TCERG1L: variants seen among roughly 807,000 people sequenced by gnomAD.
TCERG1L encodes transcription elongation regulator 1 like.
TCERG1L carries 37 observed loss-of-function variants against 56.3 expected under a neutral mutation model. The ratio of observed to expected loss-of-function variants is 0.66; its 90% CI spans 0.51 to 0.87. The LOEUF (loss-of-function observed/expected upper bound fraction) is 0.87. Ranked by LOEUF, TCERG1L falls within the 40% of genes least tolerant of loss-of-function variation. TCERG1L has a pLI of 0.00. For missense variants in TCERG1L, 799 were observed against 774.2 expected (o/e 1.03, Z -0.38); for synonymous variants, 324 against 326.3 (o/e 0.99, Z 0.08).
intron 3 of TCERG1L, among the ~76,000 whole-genome samples, chr10:131,275,435 G>A (rs945933373): frequency 4.6e-5 from 7 of 152,146 alleles, no homozygotes; most frequent in African/African-American, 7.2e-5. Context: ...ATACTAATGC[G>A]TTGTTATTAT....
intron 4 of TCERG1L, among the ~76,000 whole-genome samples, chr10:131,229,962 G>A (rs1473914379): frequency 6.6e-6 from 1 of 152,204 alleles, no homozygotes; most frequent in Non-Finnish European, 1.5e-5. Flanking sequence ...CAAGGACGAG[G>A]CAGCTTCCCC....
chr10:131,177,107 CAG>C (rs1846170394), intron 4 of TCERG1L, among the ~76,000 whole-genome samples: 2 of 150,892 alleles, frequency 1.3e-5, no homozygotes, highest in African/African-American at 2.4e-5. Flanking sequence ...CATGCACACA[CAG>C]ACACGTGTAC....
At chr10:131,310,608 A>G (rs1291750298) in intron 1 of TCERG1L, among the ~76,000 whole-genome samples, 2 of 152,212 alleles carry the variant, frequency 1.3e-5, no homozygotes, top group African/African-American at 2.4e-5. Context: ...TGCACCATTT[A>G]TCAAAGGTTC....
At chr10:131,177,485 G>A (rs1845115582) in intron 4 of TCERG1L, among the ~76,000 whole-genome samples, 1 of 152,260 alleles carries the variant, frequency 6.6e-6, no homozygotes, top group African/African-American at 2.4e-5. Context: ...ATCAAAACAA[G>A]TTGCTTCTCT....
intron 6 of TCERG1L, among the ~76,000 whole-genome samples, chr10:131,154,239 G>A (rs2944533): frequency 0.28 from 43,230 of 151,980 alleles, 6,478 homozygotes; most frequent in African/African-American, 0.35. Flanking sequence ...ATATAGGAAG[G>A]TCTGGGTTTC....
At chr10:131,177,163 C>T in intron 4 of TCERG1L, among the ~76,000 whole-genome samples, 1 of 10,754 alleles carries the variant, frequency 9.3e-5, no homozygotes, top group East Asian at 1.8e-3. Flanking sequence ...CACACAGAGA[C>T]ACATGGACAC....
intron 4 of TCERG1L, among the ~76,000 whole-genome samples, chr10:131,204,558 A>G (rs1014489487): frequency 1.3e-5 from 2 of 152,222 alleles, no homozygotes; most frequent in Non-Finnish European, 1.5e-5. Flanking sequence ...CTGGCTTCCC[A>G]GCAGCGGTGG....
At chr10:131,189,793 C>A (rs1487078062) in intron 4 of TCERG1L, among the ~76,000 whole-genome samples, 2 of 152,150 alleles carry the variant, frequency 1.3e-5, no homozygotes, top group Admixed American at 1.3e-4. Flanking sequence ...TACATTCCCA[C>A]CAACAGCATA....
At chr10:131,243,038 G>A (rs879476877) in intron 4 of TCERG1L, among the ~76,000 whole-genome samples, 29 of 152,070 alleles carry the variant, frequency 1.9e-4, no homozygotes, top group Admixed American at 3.9e-4. Flanking sequence ...AAGAATGAGG[G>A]GCTTGTTTTA....
At chr10:131,170,490 C>T (rs1309205724) in intron 4 of TCERG1L, among the ~76,000 whole-genome samples, 1 of 151,704 alleles carries the variant, frequency 6.6e-6, no homozygotes, top group Non-Finnish European at 1.5e-5. Flanking sequence ...CTCTATTGAT[C>T]AAACCCAGCT....
intron 4 of TCERG1L, among the ~76,000 whole-genome samples, chr10:131,253,114 G>A (rs1846129295): frequency 6.6e-6 from 1 of 152,224 alleles, no homozygotes; most frequent in African/African-American, 2.4e-5. Flanking sequence ...CTCTTGGCCT[G>A]TGCCTGCCAG....
At chr10:131,176,808 A>G in intron 4 of TCERG1L, among the ~76,000 whole-genome samples, 1 of 1,346 alleles carries the variant, frequency 7.4e-4, no homozygotes, top group Admixed American at 9.8e-3. Context: ...ACATACACAG[A>G]GACACATGCA....
chr10:131,126,270 C>T, intron 8 of TCERG1L, among the ~76,000 whole-genome samples: 1 of 152,226 alleles, frequency 6.6e-6, no homozygotes, highest in East Asian at 1.9e-4. Context: ...AGCTGTGGCA[C>T]ATGGGCCATG....
intron 3 of TCERG1L, among the ~76,000 whole-genome samples, chr10:131,263,674 T>C (rs1358386756): frequency 6.6e-6 from 1 of 152,212 alleles, no homozygotes; most frequent in Non-Finnish European, 1.5e-5. Flanking sequence ...TGCAAACAGG[T>C]TCATTTCTGT....
At position 131,260,484 on chromosome 10, in the gene TCERG1L, C is replaced by T. The variant is rs1452706921; in HGVS notation, c.671-40G>A. Reference sequence around the variant, plus strand: ...TGCAGAGGGTCAGCAAGGGGACGACCAGGGCCATGGGTGACAGATGCCCAT... The same window carrying T: ...TGCAGAGGGTCAGCAAGGGGACGACTAGGGCCATGGGTGACAGATGCCCAT... On this transcript the variant is annotated intron_variant, in intron 3 of 11. Coordinates refer to ENST00000368642, the MANE Select transcript of TCERG1L (RefSeq NM_174937.4). This position sits in a 1 kb window ranked among gnomAD's most constrained non-coding sequence, Gnocchi z 5.8. The T allele has an allele frequency of 2.9e-6, 4 of 1,363,002 alleles. No homozygotes were observed. In the African/African-American group the frequency reaches 4.6e-5, roughly 16 times the overall value. 84.4% of individuals were successfully genotyped at this position (1,363,002 alleles called of 1,614,324 possible).
At chr10:131,236,276 A>C (rs1414383812) in intron 4 of TCERG1L, among the ~76,000 whole-genome samples, 3 of 152,228 alleles carry the variant, frequency 2.0e-5, no homozygotes, top group African/African-American at 7.2e-5. Flanking sequence ...CATCAAAACC[A>C]CACAATTGTT....
At chr10:131,310,241 A>G (rs916848711) in intron 1 of TCERG1L, among the ~76,000 whole-genome samples, 1 of 152,220 alleles carries the variant, frequency 6.6e-6, no homozygotes, top group Non-Finnish European at 1.5e-5. Context: ...ATATACCTCT[A>G]GTGGCAGCAC....
chr10:131,283,493 G>C (rs4751357), intron 3 of TCERG1L, among the ~76,000 whole-genome samples: 3 of 151,930 alleles, frequency 2.0e-5, no homozygotes, highest in Non-Finnish European at 2.9e-5. Flanking sequence ...CAAAGTTAAA[G>C]AACACCGGAT....
chr10:131,247,369 A>G (rs181477924), intron 4 of TCERG1L, among the ~76,000 whole-genome samples: 277 of 152,262 alleles, frequency 1.8e-3, no homozygotes, highest in African/African-American at 6.4e-3. Context: ...TACCATTATC[A>G]CATTCTGAAA....
Sources: gnomAD v4.1 joint callset for allele counts (sites outside exome capture counted in the v4.1 genomes callset) on GRCh38, gnomAD v4.1.1 for gene constraint, Gnocchi (gnomAD v3.1) non-coding constraint, MANE v1.5 for transcripts, NCBI Gene and HGNC (gene_info 2026-07-23, HGNC 2026-07-21) for gene names.